RGS7: variants seen among roughly 807,000 people sequenced by gnomAD.
RGS7 encodes regulator of G protein signaling 7.
In RGS7, 27 loss-of-function variants were observed where a neutral mutation model predicts 81.1. The ratio of observed to expected loss-of-function variants is 0.33; its 90% CI spans 0.25 to 0.46. RGS7 has a LOEUF of 0.46. Ranked by LOEUF, RGS7 falls within the 20% of genes least tolerant of loss-of-function variation. RGS7 has a pLI of 1.00. For missense variants in RGS7, 396 were observed against 607.4 expected (o/e 0.65, Z 3.66); for synonymous variants, 208 against 207.7 (o/e 1.00, Z -0.01).
chr1:241,327,804 G>GA (rs1473552655), intron 2 of RGS7, among the ~76,000 whole-genome samples: 4 of 152,034 alleles, frequency 2.6e-5, no homozygotes, highest in Admixed American at 2.6e-4. Flanking sequence ...ATTCCTACAG[G>GA]AAAAATAGCT....
At chr1:240,884,541 A>G (rs1667015558) in intron 6 of RGS7, among the ~76,000 whole-genome samples, 2 of 152,214 alleles carry the variant, frequency 1.3e-5, no homozygotes, top group South Asian at 4.1e-4. Flanking sequence ...ACAGCATGGT[A>G]TTGGTACAAA....
At chr1:240,946,110 T>C (rs1414215616) in intron 4 of RGS7, among the ~76,000 whole-genome samples, 1 of 152,210 alleles carries the variant, frequency 6.6e-6, no homozygotes, top group African/African-American at 2.4e-5. Context: ...TAATTTTAAA[T>C]ACCACAATTA....
chr1:241,337,284 T>C (rs1170445315), intron 2 of RGS7, among the ~76,000 whole-genome samples: 2 of 152,156 alleles, frequency 1.3e-5, no homozygotes, highest in African/African-American at 4.8e-5. Flanking sequence ...AACATACTCA[T>C]TTTGTTTCTT....
At chr1:240,895,528 A>G (rs1175256562) in intron 6 of RGS7, among the ~76,000 whole-genome samples, 6 of 152,086 alleles carry the variant, frequency 3.9e-5, no homozygotes, top group African/African-American at 1.2e-4. Flanking sequence ...ATGAGTGAGA[A>G]CATGCGGTGC....
chr1:240,868,117 G>GGAAAGAAAGAAAAA lies in RGS7; in HGVS notation c.609+469_609+470insTTTTTCTTTCTTTC, dbSNP rs1663729373. ...GAAAAGAAAAAGAAAGAAAAGAAAA[G>GGAAAGAAAGAAAAA]GAAAGAAAGAAAGAAAGAAAGAAAG... On this transcript the variant is annotated intron_variant, in intron 9 of 18. Coordinates refer to ENST00000440928, the MANE Select transcript of RGS7 (RefSeq NM_001364886.1). The surrounding 1 kb of genome is among the most constrained non-coding windows in gnomAD (Gnocchi z 5.1). Among the ~76,000 whole-genome samples the GGAAAGAAAGAAAAA allele has an allele frequency of 8.2e-6, 1 of 122,444 alleles. No individual in the cohort carries two copies. Among genetic ancestry groups the GGAAAGAAAGAAAAA allele is most frequent in the Admixed American group, 8.1e-5 (1 of 12,372 alleles). 80.3% of individuals were successfully genotyped at this position (122,444 alleles called of 152,430 possible). A position where few individuals can be genotyped will look rare whatever the true frequency, so the allele number is the denominator to read the frequency against.
At chr1:240,872,777 A>T (rs1000833987) in intron 6 of RGS7, among the ~76,000 whole-genome samples, 1 of 152,230 alleles carries the variant, frequency 6.6e-6, no homozygotes, top group Non-Finnish European at 1.5e-5. Context: ...GCACTCATGC[A>T]TAGTCAAAAC....
intron 3 of RGS7, among the ~76,000 whole-genome samples, chr1:240,993,610 T>G (rs1686845186): frequency 1.3e-5 from 2 of 152,124 alleles, no homozygotes; most frequent in African/African-American, 4.8e-5. Context: ...ACTAGTCCTC[T>G]CTTGGATATG....
In RGS7 at chr1:240,829,463, C is replaced by G. The variant is rs372267934; in HGVS notation, c.610-2291G>C. Among the ~76,000 whole-genome samples, 18 of 152,212 alleles carry G rather than the reference C, an allele frequency of 1.2e-4. No homozygotes were observed. The South Asian group carries it at 1.2e-3, about 11-fold the overall frequency. On this transcript the variant is annotated intron_variant, in intron 9 of 18. Coordinates refer to ENST00000440928, the MANE Select transcript of RGS7 (RefSeq NM_001364886.1). ...ACCCCCGGGGATTTTAATCTGCAGC[C>G]GGAGTTCACAACCACTGATGTAGGT...
At chr1:241,003,094 T>C (rs1316266183) in intron 3 of RGS7, among the ~76,000 whole-genome samples, 8 of 152,184 alleles carry the variant, frequency 5.3e-5, no homozygotes, top group Non-Finnish European at 1.0e-4. Flanking sequence ...CGCAAATAAA[T>C]GTGCACAAAG....
chr1:240,891,893 A>G (rs1668346497), intron 6 of RGS7, among the ~76,000 whole-genome samples: 1 of 152,206 alleles, frequency 6.6e-6, no homozygotes, highest in Non-Finnish European at 1.5e-5. Context: ...TTCTTATTAG[A>G]TGGCTCAGAA....
intron 10 of RGS7, among the ~76,000 whole-genome samples, chr1:240,821,987 T>C (rs1558306505): frequency 6.6e-6 from 1 of 152,186 alleles, no homozygotes; most frequent in Non-Finnish European, 1.5e-5. Context: ...CCTGTGGTGG[T>C]GAATTTTGTG....
chr1:240,849,046 C>T (rs1659614038), intron 9 of RGS7, among the ~76,000 whole-genome samples: 1 of 152,148 alleles, frequency 6.6e-6, no homozygotes, highest in African/African-American at 2.4e-5. Context: ...CATCCATTTC[C>T]TAGTACAGGC....
intron 4 of RGS7, among the ~76,000 whole-genome samples, chr1:240,972,022 T>C (rs1351153762): frequency 6.6e-6 from 1 of 152,224 alleles, no homozygotes; most frequent in Admixed American, 6.5e-5. Flanking sequence ...TGACCTGTAA[T>C]ATACGAGTTG....
chr1:240,786,412 T>C (rs972923632), intron 18 of RGS7, among the ~76,000 whole-genome samples: 1 of 152,202 alleles, frequency 6.6e-6, no homozygotes, highest in African/African-American at 2.4e-5. Context: ...AATGTTGTTT[T>C]ACCAACTAAA....
At chr1:240,799,002 G>T (rs569857682) in intron 18 of RGS7, among the ~76,000 whole-genome samples, 1 of 151,888 alleles carries the variant, frequency 6.6e-6, no homozygotes, top group Admixed American at 6.6e-5. Context: ...TTATTTTATT[G>T]ATCCTATAAA....
At chr1:241,318,575 G>A (rs1329553130) in intron 2 of RGS7, among the ~76,000 whole-genome samples, 1 of 151,974 alleles carries the variant, frequency 6.6e-6, no homozygotes, top group Non-Finnish European at 1.5e-5. Context: ...TCCCGCCTCA[G>A]CCTCCCGAGT....
intron 18 of RGS7, among the ~76,000 whole-genome samples, chr1:240,796,073 C>T (rs764887550): frequency 1.1e-4 from 17 of 152,172 alleles, no homozygotes; most frequent in Non-Finnish European, 2.4e-4. Flanking sequence ...AGGCATGAGC[C>T]ACTGCACCCG....
chr1:240,807,470 G>A (rs1006800226), intron 14 of RGS7, among the ~76,000 whole-genome samples: 2 of 152,250 alleles, frequency 1.3e-5, no homozygotes, highest in South Asian at 4.2e-4. Context: ...CAGTACCTTC[G>A]TAACTACTAA....
Position 240,955,425 on chromosome 1 carries a change from G to C in RGS7, c.227-18719C>G, listed in dbSNP as rs1041659303. Among the ~76,000 whole-genome samples, 10 of 152,038 alleles carry C rather than the reference G, an allele frequency of 6.6e-5. No individual in the cohort carries two copies. The South Asian group carries it at 2.1e-3, about 32-fold the overall frequency. ...AAATTAGCCAGACATGGTGGTGGGCGCCTGTAGTCTCAGCTACTTGGGAGT... is the reference window on the plus strand; with the variant it reads ...AAATTAGCCAGACATGGTGGTGGGCCCCTGTAGTCTCAGCTACTTGGGAGT... On this transcript the variant is annotated intron_variant, in intron 4 of 18. Transcript: ENST00000440928.
Sources: gnomAD v4.1 joint callset for allele counts (sites outside exome capture counted in the v4.1 genomes callset) on GRCh38, gnomAD v4.1.1 for gene constraint, Gnocchi (gnomAD v3.1) non-coding constraint, MANE v1.5 for transcripts, NCBI Gene and HGNC (gene_info 2026-07-23, HGNC 2026-07-21) for gene names.